The following FAM229B variants were observed in gnomAD, a reference collection of about 807,000 sequenced individuals.
FAM229B encodes family with sequence similarity 229 member B.
FAM229B carries 2 observed loss-of-function variants against 6.7 expected under a neutral mutation model. That is an observed-to-expected ratio of 0.30 (90% CI 0.12 to 0.94). FAM229B has a LOEUF of 0.94. Among genes scored for constraint, FAM229B ranks in the 40% least tolerant of loss-of-function variants. The pLI, the probability that FAM229B is intolerant of heterozygous loss-of-function variation, is 0.54. For missense variants in FAM229B, 93 were observed against 96.2 expected, an observed-to-expected ratio of 0.97 and a Z score of 0.14; for synonymous variants, 29 against 34.0, an observed-to-expected ratio of 0.85 and a Z score of 0.51.
Position 112,100,734 on chromosome 6 carries a change from G to A in FAM229B, c.190G>A (p.Ala64Thr), listed in dbSNP as rs587759646. ...TITDVPVTVY[A>T]TTRKPPAQSS... ...AACTGATGTTCCCGTCACTGTTTATGCAACAACGAGAAAGCCACCTGCACA... is the reference window on the plus strand; with the variant it reads ...AACTGATGTTCCCGTCACTGTTTATACAACAACGAGAAAGCCACCTGCACA... Residue 64 changes from alanine to threonine, a missense_variant, in exon 4 of 4, where the codon GCA (alanine) becomes ACA (threonine). Transcript: ENST00000368656. The A allele has an allele frequency of 1.9e-6, 3 of 1,614,006 alleles. No individual in the cohort carries two copies. The East Asian group carries it at 6.7e-5, about 36-fold the overall frequency.
rs1777367226 is a variant in FAM229B, at chr6:112,099,409, G to T, written c.125+1G>T. 1 of 1,612,492 alleles carries T rather than the reference G, an allele frequency of 6.2e-7. No homozygotes were observed. Among genetic ancestry groups the T allele is most frequent in the East Asian group, 2.2e-5 (1 of 44,802 alleles). On this transcript the variant is annotated splice_donor_variant, in intron 3 of 3. Coordinates refer to ENST00000368656, the MANE Select transcript of FAM229B (RefSeq NM_001033564.3). LOFTEE classifies it high-confidence loss of function. ...ATGGGAAGGAGATGTCACCAACCAGGTAAAGTCTTCTGTCCTCACAAGTGA... is the reference window on the plus strand; with the variant it reads ...ATGGGAAGGAGATGTCACCAACCAGTTAAAGTCTTCTGTCCTCACAAGTGA...
chr6:112,095,328 ATTG>A (rs1403980667), intron 1 of FAM229B, among the ~76,000 whole-genome samples: 1 of 152,128 alleles, frequency 6.6e-6, no homozygotes, highest in East Asian at 1.9e-4. Flanking sequence ...CAGAGCTAAC[ATTG>A]TGTCAAAATT....
At chr6:112,092,452 A>G (rs1196614887) in intron 1 of FAM229B, among the ~76,000 whole-genome samples, 1 of 152,106 alleles carries the variant, frequency 6.6e-6, no homozygotes, top group Admixed American at 6.5e-5. Flanking sequence ...TGAGAATTCT[A>G]TACCCAGTTA....
chr6:112,094,656 A>G lies in FAM229B; in HGVS notation c.-175-2385A>G, dbSNP rs587762840. ...TTTTGCTTAATCTTTTATCTTTAACACTTAACACATGCCTGGCTCATGGTG... is the reference window on the plus strand; with the variant it reads ...TTTTGCTTAATCTTTTATCTTTAACGCTTAACACATGCCTGGCTCATGGTG... On this transcript the variant is annotated intron_variant, in intron 1 of 3. Transcript: ENST00000368656. 5.3e-5 allele frequency among the ~76,000 whole-genome samples: 8 copies of G among 152,298 alleles called. No individual in the cohort carries two copies. The South Asian group carries it at 1.7e-3, about 32-fold the overall frequency.
rs1350099897 is a variant in FAM229B, at chr6:112,101,088, T to C, written c.*301T>C. 4.2e-6 allele frequency: 1 copy of C among 235,868 alleles called. No individual in the cohort carries two copies. The highest frequency in any genetic ancestry group is 8.2e-6 in the Non-Finnish European group (1 of 121,666). 14.6% of individuals were successfully genotyped at this position (235,868 alleles called of 1,614,324 possible). On this transcript the variant is annotated 3_prime_UTR_variant, in exon 4 of 4. Transcript: ENST00000368656. ...AAAGATGAAGCTTAATCCACCATGGTCATCAGTCAGGTGGGGCTTATTCTA... is the reference window on the plus strand; with the variant it reads ...AAAGATGAAGCTTAATCCACCATGGCCATCAGTCAGGTGGGGCTTATTCTA...
intron 1 of FAM229B, among the ~76,000 whole-genome samples, chr6:112,092,018 CTG>C (rs1301846958): frequency 2.6e-5 from 4 of 152,014 alleles, no homozygotes; most frequent in East Asian, 3.9e-4. Flanking sequence ...GCAATGGAAA[CTG>C]TGCAAAATAA....
At chr6:112,095,746 C>T (rs180964620) in intron 1 of FAM229B, among the ~76,000 whole-genome samples, 3 of 146,916 alleles carry the variant, frequency 2.0e-5, no homozygotes, top group African/African-American at 7.5e-5. Context: ...TACCACCTCT[C>T]AAACATGTAA....
In FAM229B at chr6:112,101,127, T is replaced by A. The variant is rs1417829981; in HGVS notation, c.*340T>A. On this transcript the variant is annotated 3_prime_UTR_variant, in exon 4 of 4. Coordinates refer to ENST00000368656, the MANE Select transcript of FAM229B (RefSeq NM_001033564.3). ...GGGCTTATTCTAAATGCTTAATGTG[T>A]CTTAAGCTCATTTCCTTGTTCATAT... The A allele has an allele frequency of 2.2e-5, 4 of 184,740 alleles. No individual in the cohort carries two copies. The highest frequency in any genetic ancestry group is 1.5e-4 in the East Asian group (1 of 6,728). The allele number at this position is 184,740 out of a possible 1,614,324, so 11.4% of individuals were successfully genotyped here.
chr6:112,098,315 G>A (rs889061147), intron 2 of FAM229B, among the ~76,000 whole-genome samples: 5 of 152,140 alleles, frequency 3.3e-5, no homozygotes, highest in African/African-American at 1.2e-4. Flanking sequence ...GTGTTCCAAG[G>A]TAGGCAGTAA....
At chr6:112,088,237 C>G (rs1160177783) in intron 1 of FAM229B, among the ~76,000 whole-genome samples, 5 of 152,104 alleles carry the variant, frequency 3.3e-5, no homozygotes, top group African/African-American at 4.8e-5. Flanking sequence ...ATAGAAGACA[C>G]GAGATTAACA....
intron 2 of FAM229B, among the ~76,000 whole-genome samples, chr6:112,098,553 C>T (rs1161673173): frequency 6.6e-6 from 1 of 152,032 alleles, no homozygotes; most frequent in East Asian, 1.9e-4. Context: ...ACCAATGTAC[C>T]CTTGAGAAAT....
intron 1 of FAM229B, among the ~76,000 whole-genome samples, chr6:112,094,537 T>C (rs1182712695): frequency 6.6e-6 from 1 of 152,146 alleles, no homozygotes; most frequent in African/African-American, 2.4e-5. Context: ...ACCTAATTAA[T>C]GCCCCCCATC....
At chr6:112,094,769 C>T (rs998938881) in intron 1 of FAM229B, among the ~76,000 whole-genome samples, 4 of 152,146 alleles carry the variant, frequency 2.6e-5, no homozygotes, top group Non-Finnish European at 4.4e-5. Context: ...AAATATCACT[C>T]ATTTTCTGCA....
rs1306537867 is a variant in FAM229B at position 112,101,604 on chromosome 6, T to A, written c.*817T>A. 1.3e-5 allele frequency: 2 copies of A among 152,054 alleles called. No homozygotes were observed. Among genetic ancestry groups the A allele is most frequent in the East Asian group, 3.9e-4 (2 of 5,178 alleles). 9.4% of individuals were successfully genotyped at this position (152,054 alleles called of 1,614,324 possible). ...TGTTCTCTTTTTCTTCTTGCAGTAG[T>A]CCCCAGAAACTCAGTCTGCTTTCCT... is the stretch of plus-strand genomic sequence containing the variant. On this transcript the variant is annotated 3_prime_UTR_variant, in exon 4 of 4. Coordinates refer to ENST00000368656, the MANE Select transcript of FAM229B (RefSeq NM_001033564.3).
At chr6:112,090,362 CAG>C (rs1313987269) in intron 1 of FAM229B, among the ~76,000 whole-genome samples, 2 of 152,210 alleles carry the variant, frequency 1.3e-5, no homozygotes, top group Non-Finnish European at 2.9e-5. Context: ...TAGGTTATCA[CAG>C]AGTTTTCCAA....
At chr6:112,095,661 C>CAAAAAAAAAAAAAA (rs1562610441) in intron 1 of FAM229B, among the ~76,000 whole-genome samples, 1 of 95,964 alleles carries the variant, frequency 1.0e-5, no homozygotes, top group Non-Finnish European at 2.2e-5. Context: ...AAAAAAAAAA[C>CAAAAAAAAAAAAAA]CAAAAAAAAA....
intron 1 of FAM229B, among the ~76,000 whole-genome samples, chr6:112,094,387 T>G (rs1777296282): frequency 6.6e-6 from 1 of 152,170 alleles, no homozygotes; most frequent in African/African-American, 2.4e-5. Context: ...CAGACTCCAT[T>G]TATTTTCTGT....
rs908191458 is a variant in FAM229B at position 112,087,755 on chromosome 6, T to C, written c.-176+35T>C. 2.5e-5 allele frequency: 10 copies of C among 392,488 alleles called. No homozygotes were observed. The Admixed American group carries it at 3.9e-4, about 15-fold the overall frequency. The allele number at this position is 392,488 out of a possible 1,614,324, so 24.3% of individuals were successfully genotyped here. On this transcript the variant is annotated intron_variant, in intron 1 of 3. Transcript: ENST00000368656. Reference sequence around the variant, plus strand: ...CTTTGGAGTGGTATTTTAAAATATGTGTCGTTAAGCTGTTCGTGGGCTATC... The same window carrying C: ...CTTTGGAGTGGTATTTTAAAATATGCGTCGTTAAGCTGTTCGTGGGCTATC...
chr6:112,098,286 G>T (rs1554318876), intron 2 of FAM229B, among the ~76,000 whole-genome samples: 1 of 152,164 alleles, frequency 6.6e-6, no homozygotes, highest in Non-Finnish European at 1.5e-5. Flanking sequence ...AGTGAAGGGT[G>T]GGAGCAGGGG....
Sources: gnomAD v4.1 joint callset for allele counts (sites outside exome capture counted in the v4.1 genomes callset) on GRCh38, gnomAD v4.1.1 for gene constraint, MANE v1.5 for transcripts, NCBI Gene and HGNC (gene_info 2026-07-23, HGNC 2026-07-21) for gene names.